FBXO34: variants seen among roughly 807,000 people sequenced by gnomAD.
FBXO34 encodes the protein F-box only protein 34.
In FBXO34, 12 loss-of-function variants were observed where a neutral mutation model predicts 24.5. That is an observed-to-expected ratio of 0.49 (90% confidence interval 0.31 to 0.79). The LOEUF (loss-of-function observed/expected upper bound fraction) is 0.79. FBXO34 is among the 30% of genes least tolerant of loss of function. The pLI is 0.04. For missense variants in FBXO34, 823 were observed against 857.7 expected (o/e 0.96, Z 0.51); for synonymous variants, 320 against 311.9 (o/e 1.03, Z -0.27).
chr14:55,338,538 C>A (rs1392657078), intron 1 of FBXO34, among the ~76,000 whole-genome samples: 2 of 152,076 alleles, frequency 1.3e-5, no homozygotes, highest in African/African-American at 4.8e-5. Context: ...TGTTATTATT[C>A]TAGAATAAAA....
downstream of FBXO34, chr14:55,369,468 G>A: frequency 2.8e-6 from 2 of 725,832 alleles, no homozygotes; most frequent in Non-Finnish European, 4.1e-6. Flanking sequence ...AAATAGAAAT[G>A]TTTGTCTCCC....
the FBXO34 span, among the ~76,000 whole-genome samples, chr14:55,422,304 T>G: frequency 5.7e-3 from 873 of 152,220 alleles, 13 homozygotes; most frequent in African/African-American, 0.02. Flanking sequence ...AAAAGTAGAC[T>G]ACGCGATCTC....
downstream of FBXO34, among the ~76,000 whole-genome samples, chr14:55,365,668 T>A (rs1884662698): frequency 6.6e-6 from 1 of 152,200 alleles, no homozygotes; most frequent in African/African-American, 2.4e-5. Context: ...TGCTTTAAAC[T>A]GCTGCCTGGA....
exon 3 of FBXO34, chr14:55,368,023 A>C (rs576528270): frequency 6.5e-6 from 1 of 152,748 alleles, no homozygotes; most frequent in East Asian, 1.9e-4. Context: ...CCAATCACAT[A>C]AGATATGGTA....
At chr14:55,365,126 G>A (rs1884651494), downstream of FBXO34, among the ~76,000 whole-genome samples, 1 of 149,584 alleles carries the variant, frequency 6.7e-6, no homozygotes, top group Non-Finnish European at 1.5e-5. Context: ...AGGCAGAATG[G>A]TGTGAACCTG....
the FBXO34 span, chr14:55,395,098 G>C: frequency 2.0e-6 from 1 of 503,228 alleles, no homozygotes; most frequent in Non-Finnish European, 4.0e-6. Context: ...TTTGTCTGAA[G>C]ATTTATCCTT....
the FBXO34 span, among the ~76,000 whole-genome samples, chr14:55,386,953 G>A: frequency 1.1e-4 from 17 of 152,244 alleles, no homozygotes; most frequent in Admixed American, 1.0e-3. Context: ...CCTACTTCAA[G>A]ATTATTTTTG....
intron 1 of FBXO34, among the ~76,000 whole-genome samples, chr14:55,294,589 C>T (rs1451287128): frequency 3.3e-5 from 5 of 152,082 alleles, no homozygotes; most frequent in Admixed American, 1.3e-4. Flanking sequence ...AAGGGTATAA[C>T]GTAAGAAAGT....
chr14:55,303,324 C>T (rs930396949), intron 1 of FBXO34, among the ~76,000 whole-genome samples: 1 of 152,142 alleles, frequency 6.6e-6, no homozygotes. Context: ...TAATCTAATC[C>T]TCATCACAAC....
At chr14:55,337,608 A>G (rs956175931) in intron 1 of FBXO34, among the ~76,000 whole-genome samples, 1 of 152,272 alleles carries the variant, frequency 6.6e-6, no homozygotes, top group Non-Finnish European at 1.5e-5. Context: ...AGACTAAGGA[A>G]TTGATGCATC....
chr14:55,290,646 C>T (rs67386901), intron 1 of FBXO34, among the ~76,000 whole-genome samples: 45,954 of 151,820 alleles, frequency 0.3, 7,255 homozygotes, highest in Non-Finnish European at 0.34. Flanking sequence ...TCTATGTTAC[C>T]CTTTTAAAGG....
downstream of FBXO34, among the ~76,000 whole-genome samples, chr14:55,374,834 G>A (rs1324699795): frequency 1.3e-5 from 2 of 151,984 alleles, no homozygotes; most frequent in Admixed American, 6.6e-5. Flanking sequence ...AGTCTGTTTC[G>A]GGACTATTTT....
chr14:55,277,548 C>G (rs564756199), intron 1 of FBXO34, among the ~76,000 whole-genome samples: 15 of 152,132 alleles, frequency 9.9e-5, no homozygotes, highest in African/African-American at 3.6e-4. Context: ...AGTGCAGTGG[C>G]TGTTCAAAGG....
the FBXO34 span, among the ~76,000 whole-genome samples, chr14:55,376,549 T>C: frequency 6.6e-6 from 1 of 152,064 alleles, no homozygotes; most frequent in African/African-American, 2.4e-5. Flanking sequence ...CCTGGAAATG[T>C]TAACTATCTG....
chr14:55,337,868 A>G (rs1489231695), intron 1 of FBXO34, among the ~76,000 whole-genome samples: 4 of 152,030 alleles, frequency 2.6e-5, no homozygotes, highest in Non-Finnish European at 4.4e-5. Flanking sequence ...GTACCCTGCC[A>G]TGGGCCCTTC....
At chr14:55,322,162 T>G (rs1450316277) in intron 1 of FBXO34, among the ~76,000 whole-genome samples, 1 of 151,488 alleles carries the variant, frequency 6.6e-6, no homozygotes, top group Non-Finnish European at 1.5e-5. Context: ...AAGAAAAAAT[T>G]AGCTGGGCGT....
chr14:55,411,290 C>CT, the FBXO34 span, among the ~76,000 whole-genome samples: 5 of 152,368 alleles, frequency 3.3e-5, no homozygotes, highest in East Asian at 9.6e-4. Flanking sequence ...GGGAATCTAA[C>CT]TTAATGGCAG....
the FBXO34 span, among the ~76,000 whole-genome samples, chr14:55,401,551 T>C: frequency 6.6e-6 from 1 of 152,242 alleles, no homozygotes; most frequent in South Asian, 2.1e-4. Flanking sequence ...ACTAAATTAT[T>C]CCATACTTAT....
At chr14:55,419,289 A>G in the FBXO34 span, among the ~76,000 whole-genome samples, 3 of 152,238 alleles carry the variant, frequency 2.0e-5, no homozygotes, top group Admixed American at 6.5e-5. Context: ...ACTTAGGTAT[A>G]AAGTACAACT....
Sources: allele counts gnomAD v4.1 joint callset (sites outside exome capture counted in the v4.1 genomes callset), GRCh38; gene constraint gnomAD v4.1.1; transcripts MANE v1.5; gene names NCBI Gene and HGNC (gene_info 2026-07-23, HGNC 2026-07-21).